The following MTMR7 variants were observed in gnomAD, a reference collection of about 807,000 sequenced individuals.
MTMR7 encodes phosphatidylinositol-3-phosphate phosphatase MTMR7.
Under a neutral mutation model 81.2 loss-of-function variants are expected in MTMR7, and 76 were observed. The observed-to-expected ratio is 0.94, with a 90% CI of 0.78 to 1.13. The LOEUF (loss-of-function observed/expected upper bound fraction) is 1.13, where lower values mean the gene tolerates loss of function less well. Among genes scored for constraint, MTMR7 ranks in the 50% most tolerant of loss-of-function variants. The pLI is 0.00. For synonymous variants in MTMR7, 372 were observed against 289.8 expected, an observed-to-expected ratio of 1.28 and a Z score of -2.88; for missense variants, 1,044 against 820.0, an observed-to-expected ratio of 1.27 and a Z score of -3.34.
intron 7 of MTMR7, among the ~76,000 whole-genome samples, chr8:17,328,114 G>T (rs572247507): frequency 6.6e-6 from 1 of 152,292 alleles, no homozygotes; most frequent in Non-Finnish European, 1.5e-5. Context: ...TACTCGTGGG[G>T]AGAAAGTGAA....
chr8:17,320,393 G>A (rs1818321828), intron 7 of MTMR7, among the ~76,000 whole-genome samples: 1 of 152,034 alleles, frequency 6.6e-6, no homozygotes, highest in South Asian at 2.1e-4. Context: ...CGGAGGGTGT[G>A]GTAAAGGGTA....
At chr8:17,323,867 C>G (rs566290357) in intron 7 of MTMR7, among the ~76,000 whole-genome samples, 1 of 152,282 alleles carries the variant, frequency 6.6e-6, no homozygotes, top group South Asian at 2.1e-4. Flanking sequence ...CATTTTGAAG[C>G]TCTCCTAGTT....
chr8:17,331,290 G>A lies in MTMR7; in HGVS notation c.733-8C>T. The A allele has an allele frequency of 1.3e-6, 2 of 1,580,638 alleles. No homozygotes were observed. Among genetic ancestry groups the A allele is most frequent in the Non-Finnish European group, 1.7e-6 (2 of 1,166,950 alleles). ...ATTTGCCATTGCATTAAGCTGCAGT[G>A]GTCAGCAAAACAGAACAGTCATCAA... is the stretch of plus-strand genomic sequence containing the variant. On this transcript the variant is annotated splice_polypyrimidine_tract_variant and splice_region_variant and intron_variant, in intron 6 of 13. Coordinates refer to ENST00000180173, the MANE Select transcript of MTMR7 (RefSeq NM_004686.5).
chr8:17,319,813 G>T (rs897913466), intron 7 of MTMR7, among the ~76,000 whole-genome samples: 2 of 151,840 alleles, frequency 1.3e-5, no homozygotes, highest in African/African-American at 2.4e-5. Flanking sequence ...CCTCAGGTTG[G>T]TTTTTTTTCA....
chr8:17,315,031 G>A (rs1421013079), intron 7 of MTMR7, among the ~76,000 whole-genome samples: 2 of 127,262 alleles, frequency 1.6e-5, no homozygotes, highest in East Asian at 4.5e-4. Flanking sequence ...TATTAGCCCT[G>A]TGGCCCTTGG....
intron 1 of MTMR7, among the ~76,000 whole-genome samples, chr8:17,383,338 C>T (rs1820820674): frequency 6.6e-6 from 1 of 152,168 alleles, no homozygotes; most frequent in African/African-American, 2.4e-5. Flanking sequence ...AGGGTAATAA[C>T]AACAACGAAA....
chr8:17,305,243 A>G (rs1817375626), intron 11 of MTMR7, among the ~76,000 whole-genome samples: 1 of 152,238 alleles, frequency 6.6e-6, no homozygotes, highest in African/African-American at 2.4e-5. Context: ...TGAAAATTTA[A>G]AAAATGTTCT....
At chr8:17,364,963 T>C (rs550439475) in intron 3 of MTMR7, among the ~76,000 whole-genome samples, 1 of 152,368 alleles carries the variant, frequency 6.6e-6, no homozygotes, top group South Asian at 2.1e-4. Flanking sequence ...ACGATAATTC[T>C]ATTTTTTGTT....
intron 10 of MTMR7, among the ~76,000 whole-genome samples, chr8:17,306,415 A>G (rs895768580): frequency 3.9e-5 from 6 of 152,232 alleles, no homozygotes; most frequent in Admixed American, 1.3e-4. Context: ...TGGTTTCCCA[A>G]GTTGCCAAGA....
At position 17,299,031 on chromosome 8, in the gene MTMR7, T is replaced by G. The variant is rs1816924804; in HGVS notation, c.*831A>C. 6.6e-6 allele frequency: 1 copy of G among 152,208 alleles called. No homozygotes were observed. Among genetic ancestry groups the G allele is most frequent in the South Asian group, 2.1e-4 (1 of 4,832 alleles). The allele number at this position is 152,208 out of a possible 1,614,324, so 9.4% of individuals were successfully genotyped here. On this transcript the variant is annotated 3_prime_UTR_variant, in exon 14 of 14. Transcript: ENST00000180173. ...CTACTAACTTTATAATGTGATACTT[T>G]GAGATCAGGCTGGTGGCTGGCCCAC... is the stretch of plus-strand genomic sequence containing the variant.
chr8:17,312,574 CAAAAAAAAAAAAA>C (rs10617081), intron 8 of MTMR7, among the ~76,000 whole-genome samples: 8 of 87,250 alleles, frequency 9.2e-5, no homozygotes, highest in Admixed American at 2.9e-4. Context: ...GACTCCCTCT[CAAAAAAAAAAAAA>C]AAAAAAAAAA....
chr8:17,319,051 C>A (rs7015243), intron 7 of MTMR7, among the ~76,000 whole-genome samples: 16,991 of 152,216 alleles, frequency 0.11, 1,289 homozygotes, highest in Non-Finnish European at 0.17. Flanking sequence ...AGGAGGGCCT[C>A]CTTGTTTAAC....
At chr8:17,305,632 A>C in intron 11 of MTMR7, 125 bp downstream of exon 11, 1 of 720,068 alleles carries the variant, frequency 1.4e-6, no homozygotes, top group South Asian at 2.0e-5. Flanking sequence ...AAATAAAACT[A>C]ATCTGTCAGT....
At chr8:17,367,617 A>G (rs1382329202) in intron 3 of MTMR7, among the ~76,000 whole-genome samples, 1 of 152,230 alleles carries the variant, frequency 6.6e-6, no homozygotes, top group Non-Finnish European at 1.5e-5. Flanking sequence ...TCACACAAAA[A>G]GCAAACCAAT....
At chr8:17,367,812 G>C (rs1290353908) in intron 3 of MTMR7, among the ~76,000 whole-genome samples, 2 of 151,182 alleles carry the variant, frequency 1.3e-5, no homozygotes, top group Non-Finnish European at 2.9e-5. Context: ...CTAACAGCTG[G>C]AAACTTTTCT....
At chr8:17,332,829 T>A (rs148119403) in intron 6 of MTMR7, among the ~76,000 whole-genome samples, 1 of 152,146 alleles carries the variant, frequency 6.6e-6, no homozygotes, top group East Asian at 1.9e-4. Flanking sequence ...TAGATATGTA[T>A]TTAAGTTTTT....
At chr8:17,316,464 T>TA (rs3040963) in intron 7 of MTMR7, among the ~76,000 whole-genome samples, 6,691 of 143,412 alleles carry the variant, frequency 0.047, 189 homozygotes, top group African/African-American at 0.083. Context: ...AACAGTACAG[T>TA]AAAAAAAAAA....
chr8:17,407,039 G>A (rs769410172), intron 1 of MTMR7, among the ~76,000 whole-genome samples: 2 of 152,090 alleles, frequency 1.3e-5, no homozygotes, highest in Non-Finnish European at 2.9e-5. Context: ...AGATAATGAT[G>A]ATGGTGGTAC....
At chr8:17,305,524 A>G (rs1324393922) in intron 11 of MTMR7, among the ~76,000 whole-genome samples, 2 of 152,214 alleles carry the variant, frequency 1.3e-5, no homozygotes, top group Admixed American at 1.3e-4. Flanking sequence ...CAAGTCTGTC[A>G]AGCTGTCTAT....
Sources: gnomAD v4.1 joint callset for allele counts (sites outside exome capture counted in the v4.1 genomes callset) on GRCh38, gnomAD v4.1.1 for gene constraint, MANE v1.5 for transcripts, NCBI Gene and HGNC (gene_info 2026-07-23, HGNC 2026-07-21) for gene names.